The following CAMK1D variants were observed in gnomAD, a reference collection of about 807,000 sequenced individuals.
CAMK1D encodes calcium/calmodulin-dependent protein kinase type 1D.
Under a neutral mutation model 47.7 loss-of-function variants are expected in CAMK1D, and 9 were observed. That is an observed-to-expected ratio of 0.19 (90% CI 0.11 to 0.33). CAMK1D has a LOEUF of 0.33. Among genes scored for constraint, CAMK1D ranks in the 10% least tolerant of loss-of-function variants. The pLI is 1.00. For synonymous variants in CAMK1D, 184 were observed against 184.9 expected (o/e 0.99, Z 0.04); for missense variants, 291 against 488.7 (o/e 0.60, Z 3.81).
At chr10:12,412,262 G>A (rs954379744) in intron 1 of CAMK1D, among the ~76,000 whole-genome samples, 3 of 151,902 alleles carry the variant, frequency 2.0e-5, no homozygotes, top group African/African-American at 7.3e-5. Context: ...CCCTGCCTCC[G>A]CTTCCCGTAG....
chr10:12,406,045 G>A (rs1839412339), intron 1 of CAMK1D, among the ~76,000 whole-genome samples: 3 of 152,190 alleles, frequency 2.0e-5, no homozygotes, highest in African/African-American at 7.2e-5. Flanking sequence ...CTTGTCGCGT[G>A]TAGGATTGAA....
chr10:12,485,615 T>G (rs1371215380), intron 1 of CAMK1D, among the ~76,000 whole-genome samples: 2 of 152,084 alleles, frequency 1.3e-5, no homozygotes, highest in Non-Finnish European at 2.9e-5. Flanking sequence ...GGGCTTCGAT[T>G]GTGACTACCA....
At chr10:12,402,009 C>T (rs1204413100) in intron 1 of CAMK1D, among the ~76,000 whole-genome samples, 4 of 151,690 alleles carry the variant, frequency 2.6e-5, no homozygotes, top group African/African-American at 9.7e-5. Flanking sequence ...TATTCTCATG[C>T]CTCAGCCTCC....
At chr10:12,356,632 G>A (rs1286661687) in intron 1 of CAMK1D, among the ~76,000 whole-genome samples, 4 of 146,948 alleles carry the variant, frequency 2.7e-5, no homozygotes, top group African/African-American at 7.6e-5. Flanking sequence ...CGAGGCAGGA[G>A]AATCGCTTGA....
chr10:12,401,591 TAGGG>T (rs1420313758), intron 1 of CAMK1D, among the ~76,000 whole-genome samples: 1 of 151,004 alleles, frequency 6.6e-6, no homozygotes, highest in Non-Finnish European at 1.5e-5. Context: ...GGCTGGCAGA[TAGGG>T]AGGCTCCCAC....
chr10:12,761,558 G>A (rs1295879913), intron 4 of CAMK1D, among the ~76,000 whole-genome samples: 3 of 152,088 alleles, frequency 2.0e-5, no homozygotes, highest in Admixed American at 2.0e-4. Flanking sequence ...ATATAGAAGA[G>A]GGAGAAGAGA....
At chr10:12,732,610 T>C (rs1040911274) in intron 3 of CAMK1D, among the ~76,000 whole-genome samples, 1 of 151,966 alleles carries the variant, frequency 6.6e-6, no homozygotes, top group African/African-American at 2.4e-5. Context: ...TCTCGTGAGA[T>C]TTATTCACCA....
At chr10:12,425,353 C>T (rs1840195421) in intron 1 of CAMK1D, among the ~76,000 whole-genome samples, 1 of 150,606 alleles carries the variant, frequency 6.6e-6, no homozygotes, top group African/African-American at 2.4e-5. Context: ...GCAGTCTCGG[C>T]TCACTGCAAC....
At chr10:12,756,566 T>A (rs1836234099) in intron 3 of CAMK1D, among the ~76,000 whole-genome samples, 2 of 152,258 alleles carry the variant, frequency 1.3e-5, no homozygotes, top group African/African-American at 4.8e-5. Context: ...CGATTTCATA[T>A]TTGCATATTT....
chr10:12,366,528 G>T (rs2997070), intron 1 of CAMK1D, among the ~76,000 whole-genome samples: 1 of 151,358 alleles, frequency 6.6e-6, no homozygotes, highest in Admixed American at 6.6e-5. Flanking sequence ...GCCTGGTAGC[G>T]CATGCCTGTA....
intron 3 of CAMK1D, among the ~76,000 whole-genome samples, chr10:12,704,301 G>A (rs998113592): frequency 6.6e-6 from 1 of 152,174 alleles, no homozygotes; most frequent in African/African-American, 2.4e-5. Flanking sequence ...ATTACAGTCA[G>A]CAGGCTGCCA....
intron 1 of CAMK1D, among the ~76,000 whole-genome samples, chr10:12,415,415 A>G (rs1839809693): frequency 6.7e-6 from 1 of 149,492 alleles, no homozygotes; most frequent in East Asian, 2.0e-4. Flanking sequence ...CAGCCTCCCA[A>G]GTAGCTGGCA....
chr10:12,769,292 CAT>C (rs1836925330), intron 4 of CAMK1D, among the ~76,000 whole-genome samples: 1 of 152,154 alleles, frequency 6.6e-6, no homozygotes, highest in Non-Finnish European at 1.5e-5. Flanking sequence ...AAAAATCACT[CAT>C]AAAAAGGAGC....
intron 1 of CAMK1D, among the ~76,000 whole-genome samples, chr10:12,550,273 G>T (rs1015226940): frequency 2.6e-5 from 4 of 152,260 alleles, no homozygotes; most frequent in African/African-American, 9.6e-5. Flanking sequence ...ATGAATGAAA[G>T]AATGAATGAT....
intron 2 of CAMK1D, among the ~76,000 whole-genome samples, chr10:12,583,662 C>T (rs1485662079): frequency 3.3e-5 from 5 of 149,564 alleles, no homozygotes; most frequent in Admixed American, 6.7e-5. Flanking sequence ...AGTGCAGTGG[C>T]GCGATCTCAG....
At chr10:12,749,833 G>T (rs199928898) in intron 3 of CAMK1D, among the ~76,000 whole-genome samples, 1 of 135,498 alleles carries the variant, frequency 7.4e-6, no homozygotes, top group Admixed American at 7.2e-5. Context: ...CAAATGATCC[G>T]CCTGCTTCGT....
chr10:12,524,702 A>G (rs1353047882), intron 1 of CAMK1D, among the ~76,000 whole-genome samples: 3 of 151,744 alleles, frequency 2.0e-5, no homozygotes, highest in African/African-American at 7.3e-5. Flanking sequence ...GTGAGACTCC[A>G]TCTCAAAAAA....
intron 2 of CAMK1D, among the ~76,000 whole-genome samples, chr10:12,577,749 C>T (rs1837534088): frequency 6.6e-6 from 1 of 152,234 alleles, no homozygotes; most frequent in Non-Finnish European, 1.5e-5. Flanking sequence ...GCCAATGCCC[C>T]ATAACGGGGT....
intron 3 of CAMK1D, among the ~76,000 whole-genome samples, chr10:12,715,785 A>G (rs1161784030): frequency 1.3e-5 from 2 of 149,544 alleles, no homozygotes; most frequent in Non-Finnish European, 3.0e-5. Flanking sequence ...CAGTGGTGCA[A>G]TCTCGGCTCA....
Sources: allele counts gnomAD v4.1 joint callset (sites outside exome capture counted in the v4.1 genomes callset), GRCh38; gene constraint gnomAD v4.1.1; transcripts MANE v1.5; gene names NCBI Gene and HGNC (gene_info 2026-07-23, HGNC 2026-07-21).